RUNX3: variants seen among roughly 807,000 people sequenced by gnomAD.
RUNX3 encodes the protein runt-related transcription factor 3.
Under a neutral mutation model 27.7 loss-of-function variants are expected in RUNX3, and 10 were observed. That is an observed-to-expected ratio of 0.36 (90% CI 0.22 to 0.61). The LOEUF is 0.61. Ranked by LOEUF, RUNX3 falls within the 20% of genes least tolerant of loss-of-function variation. The pLI is 0.72. For synonymous variants in RUNX3, 270 were observed against 269.2 expected, an observed-to-expected ratio of 1.00 and a Z score of -0.03; for missense variants, 469 against 629.5, an observed-to-expected ratio of 0.75 and a Z score of 2.73.
chr1:24,912,869 A>G (rs932337251), intron 3 of RUNX3, among the ~76,000 whole-genome samples: 1 of 151,966 alleles, frequency 6.6e-6, no homozygotes, highest in Non-Finnish European at 1.5e-5. Flanking sequence ...TCGGGACTCC[A>G]CAATAGATGT....
intron 1 of RUNX3, 151 bp downstream of exon 1, chr1:24,929,436 G>A (rs925044950): frequency 8.7e-6 from 7 of 803,878 alleles, no homozygotes; most frequent in Admixed American, 2.0e-5. Context: ...TCCCGGAGCC[G>A]AGCGCGCAGC....
chr1:24,936,685 C>T (rs1222256629), intron 2 of RUNX3, among the ~76,000 whole-genome samples: 1 of 152,214 alleles, frequency 6.6e-6, no homozygotes, highest in Admixed American at 6.5e-5. Flanking sequence ...CGCAGGCCCT[C>T]CTCTCCCCAC....
chr1:24,929,268 G>A (rs1641162346), intron 1 of RUNX3: 2 of 602,088 alleles, frequency 3.3e-6, no homozygotes, highest in Non-Finnish European at 6.2e-6. Flanking sequence ...GTTACCCGCA[G>A]GGCTGTATCT....
chr1:24,959,204 A>G (rs530182944), intron 2 of RUNX3, among the ~76,000 whole-genome samples: 1 of 152,130 alleles, frequency 6.6e-6, no homozygotes, highest in Non-Finnish European at 1.5e-5. Context: ...AGCCCTCTAT[A>G]TGACCAGTGG....
At chr1:24,949,651 T>C (rs1478065987) in intron 2 of RUNX3, among the ~76,000 whole-genome samples, 1 of 152,262 alleles carries the variant, frequency 6.6e-6, no homozygotes, top group African/African-American at 2.4e-5. Flanking sequence ...TGTGAGCTTT[T>C]CATTCCCCGT....
At chr1:24,906,532 C>T (rs939556256) in intron 4 of RUNX3, among the ~76,000 whole-genome samples, 1 of 152,198 alleles carries the variant, frequency 6.6e-6, no homozygotes, top group Non-Finnish European at 1.5e-5. Flanking sequence ...GAGATGCAGC[C>T]GGCAGCCGTT....
chr1:24,912,885 C>A (rs776649892), intron 3 of RUNX3, among the ~76,000 whole-genome samples: 6 of 152,010 alleles, frequency 3.9e-5, no homozygotes, highest in Admixed American at 1.3e-4. Flanking sequence ...GATGTTAGGG[C>A]CCCGTCCAGC....
At chr1:24,924,403 T>A (rs549878014) in intron 2 of RUNX3, among the ~76,000 whole-genome samples, 11 of 144,554 alleles carry the variant, frequency 7.6e-5, no homozygotes, top group Admixed American at 5.7e-4. Context: ...GTCATGAACC[T>A]AACTCAGTTT....
In RUNX3 at chr1:24,927,636, G is replaced by C; in HGVS notation, c.377C>G (p.Ala126Gly). ...NYSAELRNAS[A>G]VMKNQVARFN... The stretch of plus-strand genomic sequence containing the variant: ...CCTGGCCACCTGGTTCTTCATGACG[G>C]CCGAGGCATTGCGCAGCTCAGCGGA... Residue 126 changes from alanine to glycine, a missense_variant, in exon 2 of 5, where the codon GCC becomes GGC. Physicochemically the swap from Ala to Gly is moderately conservative, Grantham distance 60. Coordinates refer to ENST00000308873, the MANE Select transcript of RUNX3 (RefSeq NM_004350.3). The surrounding 1 kb of genome is among the most constrained non-coding windows in gnomAD (Gnocchi z 5.0). The C allele has an allele frequency of 6.2e-7, 1 of 1,614,126 alleles. No homozygotes were observed. The highest frequency in any genetic ancestry group is 8.5e-7 in the Non-Finnish European group (1 of 1,180,026).
chr1:24,958,187 T>C (rs6600245), intron 2 of RUNX3, among the ~76,000 whole-genome samples: 110,442 of 152,168 alleles, frequency 0.73, 41,038 homozygotes, highest in African/African-American at 0.89. Context: ...GGGCCACAGT[T>C]GCTCCTCCCA....
chr1:24,945,950 T>C (rs1254673548), intron 2 of RUNX3, among the ~76,000 whole-genome samples: 1 of 152,204 alleles, frequency 6.6e-6, no homozygotes, highest in African/African-American at 2.4e-5. Context: ...TCCCTGACTG[T>C]GACCTCCCTG....
rs1642142378 is a variant in RUNX3, at chr1:24,962,539, G to A, written c.58+1975C>T. Among the ~76,000 whole-genome samples, 2 of 152,306 alleles carry A rather than the reference G, an allele frequency of 1.3e-5. No individual in the cohort carries two copies. The highest frequency in any genetic ancestry group is 2.4e-5 in the African/African-American group (1 of 41,568). ...GATTTGGGAGACAGGCCCCCATGGC[G>A]AGCACGTCGTGAGCAGAAATGAACA... is the stretch of plus-strand genomic sequence containing the variant. On this transcript the variant is annotated intron_variant, in intron 2 of 6. Coordinates refer to the RUNX3 transcript ENST00000338888. This position sits in a 1 kb window ranked among gnomAD's most constrained non-coding sequence, Gnocchi z 4.5.
At position 24,908,163 on chromosome 1, in the gene RUNX3, C is replaced by T. The variant is rs559071033; in HGVS notation, c.545-746G>A. On this transcript the variant is annotated intron_variant, in intron 3 of 4. Transcript: ENST00000308873. ...CGCGGTGATCCGAACCTCTACGACA[C>T]GCGGTGATCCGAAGCTCTACGACAC... Among the ~76,000 whole-genome samples the T allele has an allele frequency of 4.3e-3, 574 of 132,016 alleles. 61 individuals are homozygous for T. Among genetic ancestry groups the T allele is most frequent in the Middle Eastern group, 0.03 (7 of 236 alleles). 86.6% of individuals were successfully genotyped at this position (132,016 alleles called of 152,430 possible).
At chr1:24,960,176 T>C (rs929201876) in intron 2 of RUNX3, among the ~76,000 whole-genome samples, 3 of 152,190 alleles carry the variant, frequency 2.0e-5, no homozygotes, top group African/African-American at 2.4e-5. Context: ...GATGGTGAGC[T>C]CTTAGGATGG....
chr1:24,918,923 A>G lies in RUNX3; in HGVS notation c.544+317T>C, dbSNP rs1477778042. ...GGCAGAGTAAAGCAAGCCTGGCTCA[A>G]CCTCCACCCAGAAACACACAAGCAC... On this transcript the variant is annotated intron_variant, in intron 3 of 4. Transcript: ENST00000308873. Among the ~76,000 whole-genome samples the G allele has an allele frequency of 4.6e-5, 7 of 152,166 alleles. No individual in the cohort carries two copies. The East Asian group carries it at 1.2e-3, about 25-fold the overall frequency.
chr1:24,951,204 CAA>C (rs542137531), intron 2 of RUNX3, among the ~76,000 whole-genome samples: 2 of 96,416 alleles, frequency 2.1e-5, no homozygotes, highest in African/African-American at 4.2e-5. Context: ...GACTCCATCT[CAA>C]AAAAAAAAAA....
Position 24,943,348 on chromosome 1 carries a change from C to G in RUNX3, c.59-13496G>C, listed in dbSNP as rs557017878. On this transcript the variant is annotated intron_variant, in intron 2 of 6. Transcript: ENST00000338888. This position sits in a 1 kb window ranked among gnomAD's most constrained non-coding sequence, Gnocchi z 4.6. ...GAGACAGGGTCATGGACTTGAGGCT[C>G]TGAGACCCTGAGGATGTTAGAATCT... Among the ~76,000 whole-genome samples the G allele has an allele frequency of 2.7e-4, 41 of 152,322 alleles. No individual in the cohort carries two copies. Among genetic ancestry groups the G allele is most frequent in the African/African-American group, 9.9e-4 (41 of 41,576 alleles).
chr1:24,914,237 G>A (rs898379152), intron 3 of RUNX3, among the ~76,000 whole-genome samples: 2 of 152,202 alleles, frequency 1.3e-5, no homozygotes, highest in African/African-American at 4.8e-5. Context: ...GAACAGCATC[G>A]TCTGCTGGGG....
rs1640636225 is a variant in RUNX3, at chr1:24,904,972, G to A, written c.703+2287C>T. Among the ~76,000 whole-genome samples the A allele has an allele frequency of 1.3e-5, 2 of 152,216 alleles. No homozygotes were observed. On this transcript the variant is annotated intron_variant, in intron 4 of 4. Transcript: ENST00000308873. The surrounding 1 kb of genome is among the most constrained non-coding windows in gnomAD (Gnocchi z 5.7). ...TTATTTTCTTCTCCAGATTGTCCGG[G>A]CTGCTGCATGGTGGCTGAATGAGCC...
Sources: gnomAD v4.1 joint callset for allele counts (sites outside exome capture counted in the v4.1 genomes callset) on GRCh38, gnomAD v4.1.1 for gene constraint, Gnocchi (gnomAD v3.1) non-coding constraint, MANE v1.5 for transcripts, NCBI Gene and HGNC (gene_info 2026-07-23, HGNC 2026-07-21) for gene names.